The following KLHL32 variants were observed in gnomAD, a reference collection of about 807,000 sequenced individuals.
The protein encoded by KLHL32 is kelch like family member 32, also known as kelch-like protein 32.
Under a neutral mutation model 64.8 loss-of-function variants are expected in KLHL32, and 35 were observed. The ratio of observed to expected loss-of-function variants is 0.54; its 90% CI spans 0.41 to 0.72. The LOEUF is 0.72. Ranked by LOEUF, KLHL32 falls within the 30% of genes least tolerant of loss-of-function variation. KLHL32 has a pLI of 0.00. For synonymous variants in KLHL32, 259 were observed against 281.0 expected, an observed-to-expected ratio of 0.92 and a Z score of 0.78; for missense variants, 589 against 768.5, an observed-to-expected ratio of 0.77 and a Z score of 2.76.
At chr6:97,087,120 AT>A (rs1416404760) in intron 6 of KLHL32, among the ~76,000 whole-genome samples, 3 of 152,182 alleles carry the variant, frequency 2.0e-5, no homozygotes, top group Non-Finnish European at 2.9e-5. Flanking sequence ...GCAGGCAATA[AT>A]TTTTTTAATA....
At chr6:97,104,764 A>G (rs1049606363) in intron 6 of KLHL32, among the ~76,000 whole-genome samples, 1 of 152,214 alleles carries the variant, frequency 6.6e-6, no homozygotes, top group Admixed American at 6.5e-5. Flanking sequence ...ATAATTTTTA[A>G]TATTCCTCCA....
chr6:97,127,579 T>C lies in KLHL32; in HGVS notation c.1413+117T>C. 6 of 858,686 alleles carry C rather than the reference T, an allele frequency of 7.0e-6. No individual in the cohort carries two copies. The South Asian group carries it at 9.5e-5, about 14-fold the overall frequency. 53.2% of individuals were successfully genotyped at this position (858,686 alleles called of 1,614,324 possible). ...CACAGATATGCATCTTTAGCTTATA[T>C]AGAGAAAAGGAAGCATCTGAATAAA... On this transcript the variant is annotated intron_variant, in intron 8 of 10. Transcript: ENST00000369261.
At chr6:97,007,797 G>GCTTT (rs1779853001) in intron 3 of KLHL32, among the ~76,000 whole-genome samples, 2 of 152,300 alleles carry the variant, frequency 1.3e-5, no homozygotes, top group Admixed American at 1.3e-4. Context: ...AACTCTGGGG[G>GCTTT]GCTGGCAGTG....
chr6:96,904,140 G>A, the KLHL32 span, among the ~76,000 whole-genome samples: 2 of 151,938 alleles, frequency 1.3e-5, no homozygotes, highest in East Asian at 3.9e-4. Context: ...TCAGGAGATT[G>A]AGACCAGCCT....
At chr6:97,017,672 T>C (rs1178939914) in intron 3 of KLHL32, among the ~76,000 whole-genome samples, 4 of 152,124 alleles carry the variant, frequency 2.6e-5, no homozygotes, top group Non-Finnish European at 5.9e-5. Flanking sequence ...AGGTTTCTCT[T>C]TTGGGGATAT....
chr6:97,042,020 T>C (rs916433824), intron 4 of KLHL32, among the ~76,000 whole-genome samples: 1 of 152,170 alleles, frequency 6.6e-6, no homozygotes, highest in African/African-American at 2.4e-5. Context: ...TCCACATATC[T>C]CAGAGTCAGA....
chr6:97,051,498 C>T (rs1031296389), intron 4 of KLHL32, among the ~76,000 whole-genome samples: 8 of 152,186 alleles, frequency 5.3e-5, no homozygotes, highest in Admixed American at 2.0e-4. Flanking sequence ...GTGGGTTTTG[C>T]ACTTCTGTGC....
At chr6:97,026,658 T>C (rs532490298) in intron 3 of KLHL32, among the ~76,000 whole-genome samples, 1 of 152,318 alleles carries the variant, frequency 6.6e-6, no homozygotes, top group East Asian at 1.9e-4. Flanking sequence ...TCTATATTTA[T>C]GGTCATATAC....
intron 3 of KLHL32, among the ~76,000 whole-genome samples, chr6:97,025,769 C>T (rs1259954577): frequency 6.6e-6 from 1 of 152,128 alleles, no homozygotes; most frequent in African/African-American, 2.4e-5. Context: ...CGCCTTGAAC[C>T]GTTTGCTTAA....
chr6:97,027,765 G>A (rs1373820608), intron 3 of KLHL32, among the ~76,000 whole-genome samples: 2 of 152,204 alleles, frequency 1.3e-5, no homozygotes, highest in Non-Finnish European at 2.9e-5. Context: ...CCCATGCTGG[G>A]ATTTGGACTC....
At chr6:97,051,611 C>T (rs1212938194) in intron 4 of KLHL32, among the ~76,000 whole-genome samples, 1 of 152,148 alleles carries the variant, frequency 6.6e-6, no homozygotes, top group Non-Finnish European at 1.5e-5. Context: ...GGGTAAACAG[C>T]ACAGAAATCA....
intron 7 of KLHL32, among the ~76,000 whole-genome samples, chr6:97,120,558 T>C (rs1798249612): frequency 6.6e-6 from 1 of 152,142 alleles, no homozygotes; most frequent in Non-Finnish European, 1.5e-5. Flanking sequence ...TGATGAAAGG[T>C]TATGAGACTG....
chr6:97,041,413 C>T, intron 3 of KLHL32, 79 bp from the exon 4 acceptor site: 1 of 872,658 alleles, frequency 1.1e-6, no homozygotes, highest in Non-Finnish European at 1.9e-6. Flanking sequence ...CTTTTTTTTC[C>T]CCTAGTCTCT....
At chr6:97,090,141 A>C (rs570833248) in intron 6 of KLHL32, among the ~76,000 whole-genome samples, 6 of 152,218 alleles carry the variant, frequency 3.9e-5, no homozygotes, top group Non-Finnish European at 8.8e-5. Context: ...TACTGCTTGC[A>C]CTCTATTAAT....
chr6:97,125,849 CA>C (rs1305174145), intron 7 of KLHL32, among the ~76,000 whole-genome samples: 1 of 152,156 alleles, frequency 6.6e-6, no homozygotes, highest in African/African-American at 2.4e-5. Context: ...TTGATGATTA[CA>C]TTTCAAAGGG....
intron 3 of KLHL32, among the ~76,000 whole-genome samples, chr6:97,004,376 CA>C (rs1300111066): frequency 1.3e-5 from 2 of 152,132 alleles, no homozygotes; most frequent in Non-Finnish European, 2.9e-5. Context: ...AACTTTTGGG[CA>C]GAGGCTATGT....
chr6:97,080,836 CAAAT>C (rs1031498115), intron 5 of KLHL32, among the ~76,000 whole-genome samples: 5 of 151,990 alleles, frequency 3.3e-5, no homozygotes, highest in African/African-American at 1.2e-4. Flanking sequence ...AGCTCTAAAA[CAAAT>C]AAGATGGAGA....
chr6:97,073,033 T>G (rs1240086596), intron 5 of KLHL32, among the ~76,000 whole-genome samples: 1 of 152,200 alleles, frequency 6.6e-6, no homozygotes, highest in Non-Finnish European at 1.5e-5. Flanking sequence ...CAAAGTATCT[T>G]ACAAACACAG....
At chr6:97,037,029 A>G (rs1345668609) in intron 3 of KLHL32, among the ~76,000 whole-genome samples, 2 of 152,218 alleles carry the variant, frequency 1.3e-5, no homozygotes, top group Non-Finnish European at 2.9e-5. Flanking sequence ...TGATAAAGTA[A>G]ATTTCTGAAA....
Sources: gnomAD v4.1 joint callset for allele counts (sites outside exome capture counted in the v4.1 genomes callset) on GRCh38, gnomAD v4.1.1 for gene constraint, MANE v1.5 for transcripts, NCBI Gene and HGNC (gene_info 2026-07-23, HGNC 2026-07-21) for gene names.